SLC8A1: variants seen among roughly 807,000 people sequenced by gnomAD.
SLC8A1 encodes sodium/calcium exchanger 1.
Under a neutral mutation model 68.3 loss-of-function variants are expected in SLC8A1, and 18 were observed. The ratio of observed to expected loss-of-function variants is 0.26; its 90% CI spans 0.18 to 0.39. SLC8A1 has a LOEUF of 0.39. SLC8A1 is among the 10% of genes least tolerant of loss of function. The probability of loss-of-function intolerance (pLI) is 1.00; values close to 1 mark genes in which losing one functional copy is unlikely to be tolerated. For synonymous variants in SLC8A1, 475 were observed against 415.5 expected, an observed-to-expected ratio of 1.14 and a Z score of -1.74; for missense variants, 985 against 1,156.7, an observed-to-expected ratio of 0.85 and a Z score of 2.15.
intron 2 of SLC8A1, among the ~76,000 whole-genome samples, chr2:40,352,731 T>C (rs1671481958): frequency 6.6e-6 from 1 of 152,170 alleles, no homozygotes; most frequent in Non-Finnish European, 1.5e-5. Flanking sequence ...CACATTTTAG[T>C]CAGTAAAATG....
intron 2 of SLC8A1, among the ~76,000 whole-genome samples, chr2:40,327,332 T>A (rs2075940133): frequency 6.6e-6 from 1 of 152,212 alleles, no homozygotes; most frequent in South Asian, 2.1e-4. Flanking sequence ...AAGAACTCTG[T>A]GAAGTATGTT....
intron 2 of SLC8A1, among the ~76,000 whole-genome samples, chr2:40,249,208 AATTAACTG>A (rs1366798718): frequency 6.6e-6 from 1 of 152,152 alleles, no homozygotes; most frequent in African/African-American, 2.4e-5. Flanking sequence ...TCAGAGCTGA[AATTAACTG>A]ATTAAAGAGT....
intron 2 of SLC8A1, among the ~76,000 whole-genome samples, chr2:40,253,134 T>A (rs575680443): frequency 1.8e-5 from 2 of 108,698 alleles, no homozygotes; most frequent in Non-Finnish European, 3.6e-5. Context: ...TACACGTATA[T>A]ATGTATATGT....
rs2149084976 is a variant in SLC8A1 at position 40,258,943 on chromosome 2, A to T, written c.1809-81088T>A. 1.3e-5 allele frequency among the ~76,000 whole-genome samples: 2 copies of T among 150,672 alleles called. 1 individual carries two copies. The highest frequency in any genetic ancestry group is 4.2e-4 in the South Asian group (2 of 4,786). Reference sequence around the variant, plus strand: ...CCAGAAAGAAAATAAAAAAAAAAAAAGGAAATACTTTTCTCATCCAGTTTC... The same window carrying T: ...CCAGAAAGAAAATAAAAAAAAAAAATGGAAATACTTTTCTCATCCAGTTTC... On this transcript the variant is annotated intron_variant, in intron 2 of 7. Transcript: ENST00000406785.
At chr2:40,143,935 G>T (rs980634049) in intron 6 of SLC8A1, among the ~76,000 whole-genome samples, 3 of 152,100 alleles carry the variant, frequency 2.0e-5, no homozygotes, top group African/African-American at 4.8e-5. Context: ...TTGTTTTGGG[G>T]CAAGACACTT....
At chr2:40,175,127 A>G (rs1431281846) in intron 3 of SLC8A1, 134 bp downstream of exon 4, 2 of 875,438 alleles carry the variant, frequency 2.3e-6, no homozygotes, top group Non-Finnish European at 3.6e-6. Flanking sequence ...TGACAAAATG[A>G]GGTCAATGGC....
chr2:40,213,842 A>G (rs1323057969), intron 2 of SLC8A1, among the ~76,000 whole-genome samples: 2 of 152,212 alleles, frequency 1.3e-5, no homozygotes, highest in African/African-American at 4.8e-5. Context: ...TAATTCATCA[A>G]GCTTGCTTTG....
intron 2 of SLC8A1, among the ~76,000 whole-genome samples, chr2:40,238,527 C>T (rs1440644113): frequency 2.6e-5 from 4 of 152,140 alleles, no homozygotes; most frequent in African/African-American, 7.2e-5. Flanking sequence ...TGAGATGAAC[C>T]CAGTACCTCA....
At chr2:40,355,741 C>T (rs1446661290) in intron 2 of SLC8A1, among the ~76,000 whole-genome samples, 3 of 152,092 alleles carry the variant, frequency 2.0e-5, no homozygotes, top group South Asian at 2.1e-4. Flanking sequence ...GGTCATCATT[C>T]GAATGTCAGT....
intron 2 of SLC8A1, among the ~76,000 whole-genome samples, chr2:40,294,618 C>T (rs998057503): frequency 1.3e-5 from 2 of 152,060 alleles, no homozygotes; most frequent in African/African-American, 2.4e-5. Flanking sequence ...TTCAACCAAG[C>T]GTAGTCACCT....
Position 40,389,771 on chromosome 2 carries a change from C to CT in SLC8A1, c.1808+38701dup, listed in dbSNP as rs35431842. Among the ~76,000 whole-genome samples the CT allele has an allele frequency of 9.1e-4, 137 of 150,552 alleles. 2 individuals are homozygous for CT. Among genetic ancestry groups the CT allele is most frequent in the East Asian group, 1.8e-3 (9 of 5,114 alleles). On this transcript the variant is annotated intron_variant, in intron 2 of 7. Transcript: ENST00000406785. ...AATTATGAGAAATTGTTTTCAGATA[C>CT]TTTTTTTTATGATGGACACTTAAAA...
chr2:40,211,058 T>A lies in SLC8A1; in HGVS notation c.1809-33203A>T, dbSNP rs559786228. 2.0e-5 allele frequency among the ~76,000 whole-genome samples: 3 copies of A among 152,318 alleles called. No homozygotes were observed. The South Asian group carries it at 6.2e-4, about 32-fold the overall frequency. ...CTGAAGTAGGTCTTTGTCTTTCCAG[T>A]CTAGAAATAATTGTTATGTCAAGTT... On this transcript the variant is annotated intron_variant, in intron 2 of 7. Coordinates refer to ENST00000406785, the Ensembl canonical transcript of SLC8A1.
chr2:40,229,299 TAAA>T (rs1218397613), intron 2 of SLC8A1, among the ~76,000 whole-genome samples: 1 of 151,752 alleles, frequency 6.6e-6, no homozygotes, highest in African/African-American at 2.4e-5. Context: ...TGATAAAAAA[TAAA>T]AAAATGAAAA....
intron 2 of SLC8A1, among the ~76,000 whole-genome samples, chr2:40,252,233 C>T (rs908305843): frequency 1.3e-5 from 2 of 152,064 alleles, no homozygotes; most frequent in Admixed American, 1.3e-4. Flanking sequence ...TATTCTTTTA[C>T]AGAGTTTGAG....
intron 2 of SLC8A1, among the ~76,000 whole-genome samples, chr2:40,384,272 A>G (rs1343172716): frequency 6.6e-6 from 1 of 152,128 alleles, no homozygotes; most frequent in Non-Finnish European, 1.5e-5. Flanking sequence ...TAAATAAATA[A>G]CATTTTAAAA....
Position 40,281,536 on chromosome 2 carries a change from A to T in SLC8A1, c.1809-103681T>A, listed in dbSNP as rs542795885. Among the ~76,000 whole-genome samples, 20 of 152,266 alleles carry T rather than the reference A, an allele frequency of 1.3e-4. No individual in the cohort carries two copies. The South Asian group carries it at 3.7e-3, about 28-fold the overall frequency. The stretch of plus-strand genomic sequence containing the variant: ...GAGCTGTCTCAGGACTTGAGTCCCA[A>T]CTTGCACTCGTGAAAGTTATGCTGC... On this transcript the variant is annotated intron_variant, in intron 2 of 7. Coordinates refer to ENST00000406785, the Ensembl canonical transcript of SLC8A1.
In SLC8A1 at chr2:40,422,956, T is replaced by C. The variant is rs745476118; in HGVS notation, c.1808+5517A>G. On this transcript the variant is annotated intron_variant, in intron 2 of 7. Coordinates refer to ENST00000406785, the Ensembl canonical transcript of SLC8A1. Reference sequence around the variant, plus strand: ...GGTCACTTACTTCATTGGGCTATTATAATATCACATGTATGAAAAGCATTT... The same window carrying C: ...GGTCACTTACTTCATTGGGCTATTACAATATCACATGTATGAAAAGCATTT... Among the ~76,000 whole-genome samples the C allele has an allele frequency of 2.1e-4, 32 of 152,158 alleles. 1 individual carries two copies. The highest frequency in any genetic ancestry group is 1.5e-5 in the Non-Finnish European group (1 of 68,018).
chr2:40,372,633 A>G (rs973932599), intron 2 of SLC8A1, among the ~76,000 whole-genome samples: 14 of 152,190 alleles, frequency 9.2e-5, no homozygotes, highest in African/African-American at 3.4e-4. Flanking sequence ...TAGGCTAGAA[A>G]GACTGTTTCT....
At chr2:40,260,654 G>T (rs1164238166) in intron 2 of SLC8A1, among the ~76,000 whole-genome samples, 1 of 151,222 alleles carries the variant, frequency 6.6e-6, no homozygotes, top group African/African-American at 2.4e-5. Flanking sequence ...AAATGAGAAA[G>T]AAAAAGAGGT....
Sources: gnomAD v4.1 joint callset for allele counts (sites outside exome capture counted in the v4.1 genomes callset) on GRCh38, gnomAD v4.1.1 for gene constraint, MANE v1.5 for transcripts, NCBI Gene and HGNC (gene_info 2026-07-23, HGNC 2026-07-21) for gene names.